NTRK3: variants seen among roughly 807,000 people sequenced by gnomAD.
The protein encoded by NTRK3 is neurotrophic receptor tyrosine kinase 3.
A neutral mutation model predicts 91.7 loss-of-function variants in NTRK3; 24 were observed. The ratio of observed to expected loss-of-function variants is 0.26; its 90% CI spans 0.19 to 0.37. NTRK3 has a LOEUF of 0.37. NTRK3 is among the 10% of genes least tolerant of loss of function. NTRK3 has a pLI of 1.00. For synonymous variants in NTRK3, 483 were observed against 404.0 expected (o/e 1.20, Z -2.34); for missense variants, 880 against 1,068.9 (o/e 0.82, Z 2.46).
intron 13 of NTRK3, among the ~76,000 whole-genome samples, chr15:88,079,020 G>C (rs2047807734): frequency 6.6e-6 from 1 of 152,232 alleles, no homozygotes; most frequent in Admixed American, 6.5e-5. Flanking sequence ...CTGCTGGGTA[G>C]AGATGGGAGT....
exon 19 of NTRK3, chr15:87,874,733 T>G (rs1451081033): frequency 2.2e-5 from 5 of 232,188 alleles, no homozygotes; most frequent in Non-Finnish European, 3.4e-5. Flanking sequence ...TGTTCTTAGC[T>G]ACCCAGATCA....
At chr15:88,137,499 T>C (rs2041990759) in exon 7 of NTRK3, 9 of 1,614,208 alleles carry the variant, frequency 5.6e-6, no homozygotes, top group Non-Finnish European at 7.6e-6. Flanking sequence ...CTCCCCCTGC[T>C]CCTGCCAGAG....
intron 17 of NTRK3, among the ~76,000 whole-genome samples, chr15:87,920,106 A>G (rs1232690188): frequency 6.6e-6 from 1 of 152,224 alleles, no homozygotes; most frequent in African/African-American, 2.4e-5. Flanking sequence ...CAGAACTGAC[A>G]CTGAGACCAA....
chr15:88,136,008 G>A, exon 9 of NTRK3: 1 of 1,614,256 alleles, frequency 6.2e-7, no homozygotes, highest in Non-Finnish European at 8.5e-7. Flanking sequence ...GCGTCAAGTT[G>A]ATGGCATGAA....
intron 13 of NTRK3, 22 bp downstream of exon 13, chr15:88,126,249 G>C (rs1432776053): frequency 1.3e-6 from 2 of 1,541,908 alleles, no homozygotes; most frequent in African/African-American, 2.7e-5. Context: ...TGACGCCCTT[G>C]AAAATGAAAC....
At chr15:87,980,525 G>A (rs1429470896) in intron 14 of NTRK3, among the ~76,000 whole-genome samples, 1 of 152,168 alleles carries the variant, frequency 6.6e-6, no homozygotes, top group Non-Finnish European at 1.5e-5. Context: ...ATATGTGTGT[G>A]TACACATATG....
chr15:88,059,680 T>A (rs920640892), intron 13 of NTRK3, among the ~76,000 whole-genome samples: 1 of 152,096 alleles, frequency 6.6e-6, no homozygotes, highest in Non-Finnish European at 1.5e-5. Context: ...TACCCAGAGC[T>A]ATGGTCGGGG....
intron 17 of NTRK3, among the ~76,000 whole-genome samples, chr15:87,921,493 C>G (rs923163183): frequency 2.0e-5 from 3 of 152,176 alleles, no homozygotes; most frequent in Non-Finnish European, 4.4e-5. Flanking sequence ...CCTCCCTACT[C>G]CTGGTCTCAG....
chr15:88,081,467 C>G (rs1404665389), intron 13 of NTRK3, among the ~76,000 whole-genome samples: 1 of 152,226 alleles, frequency 6.6e-6, no homozygotes, highest in East Asian at 1.9e-4. Context: ...GACATGCTAG[C>G]CCAACAAGTC....
At chr15:88,125,929 T>C (rs2053240325) in intron 13 of NTRK3, among the ~76,000 whole-genome samples, 1 of 152,230 alleles carries the variant, frequency 6.6e-6, no homozygotes, top group African/African-American at 2.4e-5. Context: ...GGAGTCCCTT[T>C]ACTCACCCGT....
chr15:88,073,889 G>T (rs2150565930), intron 13 of NTRK3, among the ~76,000 whole-genome samples: 1 of 151,616 alleles, frequency 6.6e-6, no homozygotes, highest in South Asian at 2.1e-4. Flanking sequence ...CCAATGGTTT[G>T]TTTTCTGTTT....
chr15:87,914,204 C>G (rs1036063546), intron 17 of NTRK3, among the ~76,000 whole-genome samples: 64 of 152,212 alleles, frequency 4.2e-4, no homozygotes, highest in African/African-American at 1.4e-3. Context: ...TGCTTTGATG[C>G]TATGGCCTTT....
At chr15:87,888,076 G>A (rs1351250930) in intron 17 of NTRK3, among the ~76,000 whole-genome samples, 3 of 152,128 alleles carry the variant, frequency 2.0e-5, no homozygotes, top group Admixed American at 6.6e-5. Context: ...CAGATCTTTG[G>A]ATTGCACTGG....
exon 19 of NTRK3, chr15:87,875,240 G>T (rs375384487): frequency 8.7e-6 from 2 of 230,288 alleles, no homozygotes; most frequent in East Asian, 1.2e-4. Flanking sequence ...CCCTTAGGTA[G>T]CTCTGTGCTT....
intron 13 of NTRK3, 105 bp from the exon 14 acceptor site, chr15:88,033,150 TC>T: frequency 1.1e-6 from 1 of 891,190 alleles, no homozygotes; most frequent in South Asian, 1.6e-5. Context: ...ACAAACATTT[TC>T]TTTTTTTTAC....
At chr15:88,074,783 G>C (rs1240333281) in intron 13 of NTRK3, among the ~76,000 whole-genome samples, 2 of 152,276 alleles carry the variant, frequency 1.3e-5, no homozygotes, top group Middle Eastern at 3.4e-3. Context: ...GATTCGAATT[G>C]ACAGACCTAG....
chr15:88,120,772 TC>T (rs374247386), intron 13 of NTRK3, among the ~76,000 whole-genome samples: 119 of 152,336 alleles, frequency 7.8e-4, no homozygotes, highest in African/African-American at 2.7e-3. Context: ...GTATTCATAA[TC>T]CAGCTTCATT....
chr15:88,183,471 T>A, exon 5 of NTRK3: 3 of 1,614,038 alleles, frequency 1.9e-6, no homozygotes, highest in Non-Finnish European at 2.5e-6. Context: ...TGCTCCGAAG[T>A]CCTGAGTTCT....
chr15:88,079,378 G>A (rs75491627), intron 13 of NTRK3, among the ~76,000 whole-genome samples: 149 of 152,262 alleles, frequency 9.8e-4, no homozygotes, highest in East Asian at 8.9e-3. Flanking sequence ...CCAAGAAAGC[G>A]GACGGATATA....
Sources: allele counts gnomAD v4.1 joint callset (sites outside exome capture counted in the v4.1 genomes callset), GRCh38; gene constraint gnomAD v4.1.1; transcripts MANE v1.5; gene names NCBI Gene and HGNC (gene_info 2026-07-23, HGNC 2026-07-21).